ZNRF1: variants seen among roughly 807,000 people sequenced by gnomAD.
ZNRF1 encodes the protein zinc and ring finger 1, also known as E3 ubiquitin-protein ligase ZNRF1.
In ZNRF1, 3 loss-of-function variants were observed where a neutral mutation model predicts 18.4. The observed-to-expected ratio is 0.16, with a 90% CI of 0.07 to 0.42. The LOEUF (loss-of-function observed/expected upper bound fraction) is 0.42. Ranked by LOEUF, ZNRF1 falls within the 10% of genes least tolerant of loss-of-function variation. The pLI, the probability that ZNRF1 is intolerant of heterozygous loss-of-function variation, is 0.99. For missense variants in ZNRF1, 310 were observed against 329.8 expected, an observed-to-expected ratio of 0.94 and a Z score of 0.47; for synonymous variants, 157 against 144.2, an observed-to-expected ratio of 1.09 and a Z score of -0.64.
intron 2 of ZNRF1, among the ~76,000 whole-genome samples, chr16:75,101,500 C>T (rs1380951422): frequency 6.6e-6 from 1 of 151,990 alleles, no homozygotes; most frequent in Non-Finnish European, 1.5e-5. Context: ...GAGCTGAGAT[C>T]ATGCCACTGC....
In ZNRF1 at chr16:75,108,058, G is replaced by A; in HGVS notation, c.*358G>A. The stretch of plus-strand genomic sequence containing the variant: ...AGTGTCGACTGGTGTTTTCCCTCGT[G>A]ATGTTTACAGCTTGCTGTTTGCTGC... On this transcript the variant is annotated 3_prime_UTR_variant, in exon 5 of 5. Transcript: ENST00000335325. 3.3e-6 allele frequency: 1 copy of A among 302,612 alleles called. No individual in the cohort carries two copies. Among genetic ancestry groups the A allele is most frequent in the Non-Finnish European group, 6.5e-6 (1 of 154,436 alleles). The allele number at this position is 302,612 out of a possible 1,614,324, so 18.7% of individuals were successfully genotyped here.
intron 2 of ZNRF1, among the ~76,000 whole-genome samples, chr16:75,099,778 G>A (rs879022447): frequency 2.0e-5 from 3 of 152,148 alleles, no homozygotes; most frequent in Admixed American, 2.0e-4. Context: ...CGAGGCCCCC[G>A]CCATGGCTTT....
chr16:75,070,698 T>C (rs1671880397), intron 1 of ZNRF1, among the ~76,000 whole-genome samples: 1 of 150,886 alleles, frequency 6.6e-6, no homozygotes, highest in Non-Finnish European at 1.5e-5. Context: ...GCAGCTCCCA[T>C]GGAGGTACTG....
At chr16:75,031,484 C>G (rs1004577952) in intron 1 of ZNRF1, among the ~76,000 whole-genome samples, 5 of 151,584 alleles carry the variant, frequency 3.3e-5, no homozygotes, top group Non-Finnish European at 5.9e-5. Context: ...AATTTTTTTT[C>G]TAAGGTTTTT....
intron 1 of ZNRF1, among the ~76,000 whole-genome samples, chr16:75,013,220 G>A (rs953608317): frequency 1.3e-5 from 2 of 152,144 alleles, no homozygotes; most frequent in Admixed American, 6.5e-5. Flanking sequence ...AGAACACAGA[G>A]AAAAGTGATG....
At chr16:75,029,304 G>A (rs1182195003) in intron 1 of ZNRF1, among the ~76,000 whole-genome samples, 5 of 152,050 alleles carry the variant, frequency 3.3e-5, no homozygotes, top group Admixed American at 2.6e-4. Context: ...CCACCACCAT[G>A]CCCGGCTAAT....
chr16:75,059,667 A>T (rs1270396238), intron 1 of ZNRF1, among the ~76,000 whole-genome samples: 1 of 152,038 alleles, frequency 6.6e-6, no homozygotes, highest in East Asian at 1.9e-4. Flanking sequence ...GTCTTATCTG[A>T]TCCTTCCATT....
At chr16:75,092,127 CATCTCTAATATTAAGAAAAA>C (rs1046867387) in intron 1 of ZNRF1, among the ~76,000 whole-genome samples, 6 of 151,924 alleles carry the variant, frequency 3.9e-5, no homozygotes, top group African/African-American at 1.2e-4. Context: ...AGCAAGACCC[CATCTCTAATATTAAGAAAAA>C]AATTTTTAAT....
At chr16:75,077,246 G>A (rs1016529582) in intron 1 of ZNRF1, among the ~76,000 whole-genome samples, 1 of 152,144 alleles carries the variant, frequency 6.6e-6, no homozygotes, top group African/African-American at 2.4e-5. Flanking sequence ...CAAAAAATTA[G>A]CTGGGGCTGG....
At chr16:75,033,836 A>C in intron 1 of ZNRF1, among the ~76,000 whole-genome samples, 1 of 152,192 alleles carries the variant, frequency 6.6e-6, no homozygotes, top group South Asian at 2.1e-4. Context: ...TAATTGTGAC[A>C]AAATACACTT....
At chr16:75,100,623 T>G (rs969982000) in intron 2 of ZNRF1, among the ~76,000 whole-genome samples, 2 of 152,202 alleles carry the variant, frequency 1.3e-5, no homozygotes, top group East Asian at 3.9e-4. Flanking sequence ...AACTAGTCCC[T>G]TGGGCTCACA....
intron 1 of ZNRF1, among the ~76,000 whole-genome samples, chr16:75,087,560 C>G (rs938833405): frequency 1.3e-5 from 2 of 152,222 alleles, no homozygotes; most frequent in Non-Finnish European, 2.9e-5. Context: ...GAAGGACTCT[C>G]TTGGCTTCTC....
intron 1 of ZNRF1, among the ~76,000 whole-genome samples, chr16:75,058,026 G>A (rs1253037331): frequency 6.6e-6 from 1 of 151,998 alleles, no homozygotes; most frequent in Non-Finnish European, 1.5e-5. Flanking sequence ...CAAATATGAG[G>A]CCTGAGAGAG....
chr16:75,072,643 A>C (rs2035883443), intron 1 of ZNRF1, among the ~76,000 whole-genome samples: 1 of 152,216 alleles, frequency 6.6e-6, no homozygotes, highest in African/African-American at 2.4e-5. Flanking sequence ...ACAGTTTAGA[A>C]CATAGGATTA....
rs2035392861 is a variant in ZNRF1 at position 75,037,624 on chromosome 16, C to G, written c.424+37529C>G. 2.0e-5 allele frequency among the ~76,000 whole-genome samples: 3 copies of G among 152,308 alleles called. No individual in the cohort carries two copies. In the South Asian group the frequency reaches 6.2e-4, roughly 32 times the overall value. The stretch of plus-strand genomic sequence containing the variant: ...AAGTGCTGCGATTACAGGCATGAGC[C>G]AGCATTCCTGGCCCACTCTTCTTGT... On this transcript the variant is annotated intron_variant, in intron 1 of 4. Transcript: ENST00000335325.
chr16:75,055,533 G>T (rs549155574), intron 1 of ZNRF1, among the ~76,000 whole-genome samples: 2 of 152,298 alleles, frequency 1.3e-5, no homozygotes, highest in South Asian at 4.1e-4. Flanking sequence ...GTCTTGGGTA[G>T]ACTGCAGGCC....
At position 75,033,262 on chromosome 16, in the gene ZNRF1, CAA is replaced by C. The variant is rs56265355; in HGVS notation, c.424+33182_424+33183del. Reference sequence around the variant, plus strand: ...TTTAGAATCACCTTGTTTATTTCTACAAAAAAAAAAAAAAAAGGAATGCTTGC... The same window carrying C: ...TTTAGAATCACCTTGTTTATTTCTACAAAAAAAAAAAAAAGGAATGCTTGC... On this transcript the variant is annotated intron_variant, in intron 1 of 4. Transcript: ENST00000335325. Among the ~76,000 whole-genome samples the C allele has an allele frequency of 7.2e-3, 585 of 81,456 alleles. 2 individuals are homozygous for C. The highest frequency in any genetic ancestry group is 0.02 in the African/African-American group (494 of 24,790). The allele number at this position is 81,456 out of a possible 152,430, so 53.4% of individuals were successfully genotyped here. A position where few individuals can be genotyped will look rare whatever the true frequency, so the allele number is the denominator to read the frequency against.
At chr16:75,055,373 C>T (rs1422932277) in intron 1 of ZNRF1, among the ~76,000 whole-genome samples, 1 of 152,168 alleles carries the variant, frequency 6.6e-6, no homozygotes, top group African/African-American at 2.4e-5. Context: ...TCTGTCTTTC[C>T]AGTCCCCAAT....
chr16:75,106,620 C>G, intron 4 of ZNRF1, 49 bp downstream of exon 4: 1 of 1,537,718 alleles, frequency 6.5e-7, no homozygotes, highest in Non-Finnish European at 9.0e-7. Flanking sequence ...GGGGTCAGGT[C>G]ACTTTGGGGG....
Sources: gnomAD v4.1 joint callset for allele counts (sites outside exome capture counted in the v4.1 genomes callset) on GRCh38, gnomAD v4.1.1 for gene constraint, MANE v1.5 for transcripts, NCBI Gene and HGNC (gene_info 2026-07-23, HGNC 2026-07-21) for gene names.